LRBA: variants seen among roughly 807,000 people sequenced by gnomAD.
LRBA encodes LPS responsive beige-like anchor protein, also known as lipopolysaccharide-responsive and beige-like anchor protein.
Under a neutral mutation model 330.0 loss-of-function variants are expected in LRBA, and 176 were observed. The ratio of observed to expected loss-of-function variants is 0.53; its 90% confidence interval spans 0.47 to 0.60. LRBA has a LOEUF of 0.60. Among genes scored for constraint, LRBA ranks in the 20% least tolerant of loss-of-function variants. The pLI is 0.00. For missense variants in LRBA, 3,259 were observed against 3,444.8 expected (o/e 0.95, Z 1.35); for synonymous variants, 1,230 against 1,193.0 (o/e 1.03, Z -0.64).
At position 150,489,045 on chromosome 4, in the gene LRBA, TATTA is replaced by T. The variant is rs1485121681; in HGVS notation, c.6449-1215_6449-1212del. Among the ~76,000 whole-genome samples the T allele has an allele frequency of 3.8e-3, 413 of 110,008 alleles. 2 individuals are homozygous for T. The highest frequency in any genetic ancestry group is 0.01 in the African/African-American group (267 of 26,002). The allele number at this position is 110,008 out of a possible 152,430, so 72.2% of individuals were successfully genotyped here. ...ATAAGAATATATATTATATATAATA[TATTA>T]TATATAAGAATATATAATATATTAT... On this transcript the variant is annotated intron_variant, in intron 41 of 56. Coordinates refer to ENST00000651943, the MANE Select transcript of LRBA (RefSeq NM_001364905.1).
chr4:150,393,796 T>C (rs748176866), intron 47 of LRBA, among the ~76,000 whole-genome samples: 4 of 152,196 alleles, frequency 2.6e-5, no homozygotes, highest in Non-Finnish European at 4.4e-5. Context: ...CATAGTTTGT[T>C]TCTTTATAGC....
chr4:150,883,107 T>A (rs1440859640), intron 17 of LRBA, among the ~76,000 whole-genome samples: 1 of 152,176 alleles, frequency 6.6e-6, no homozygotes, highest in Non-Finnish European at 1.5e-5. Context: ...CATTTAACTT[T>A]CAGTTAATAT....
intron 40 of LRBA, among the ~76,000 whole-genome samples, chr4:150,556,403 G>A (rs968059099): frequency 1.4e-4 from 21 of 152,090 alleles, no homozygotes; most frequent in Admixed American, 7.2e-4. Context: ...AAAGCTCTAC[G>A]AGGAACCAAA....
intron 38 of LRBA, among the ~76,000 whole-genome samples, chr4:150,592,597 ATTACT>A (rs904718502): frequency 2.0e-5 from 3 of 152,100 alleles, no homozygotes; most frequent in South Asian, 4.1e-4. Flanking sequence ...GTTTGAAAAG[ATTACT>A]TTAGTGTATC....
chr4:150,306,784 T>C (rs1339956325), intron 52 of LRBA, among the ~76,000 whole-genome samples: 4 of 152,190 alleles, frequency 2.6e-5, no homozygotes, highest in African/African-American at 4.8e-5. Context: ...AATCAGTGAC[T>C]GACTGGTAAC....
chr4:150,404,372 A>G (rs1745899158), intron 47 of LRBA, among the ~76,000 whole-genome samples: 1 of 152,208 alleles, frequency 6.6e-6, no homozygotes, highest in African/African-American at 2.4e-5. Flanking sequence ...AGTTCTGAGA[A>G]GAGTATTTGT....
intron 35 of LRBA, among the ~76,000 whole-genome samples, chr4:150,747,734 T>G (rs1369930374): frequency 1.3e-5 from 2 of 152,184 alleles, no homozygotes; most frequent in Non-Finnish European, 2.9e-5. Flanking sequence ...CATTGCCCAC[T>G]TTGCTACATC....
intron 56 of LRBA, among the ~76,000 whole-genome samples, chr4:150,275,854 A>T (rs1419405832): frequency 2.0e-5 from 3 of 152,260 alleles, no homozygotes; most frequent in African/African-American, 7.2e-5. Flanking sequence ...CATACTGCCC[A>T]AAGTAATTTA....
intron 40 of LRBA, among the ~76,000 whole-genome samples, chr4:150,533,077 C>G (rs1285044363): frequency 6.6e-6 from 1 of 152,106 alleles, no homozygotes; most frequent in African/African-American, 2.4e-5. Flanking sequence ...TTCTACCATC[C>G]TGAAAAAAAT....
intron 28 of LRBA, among the ~76,000 whole-genome samples, chr4:150,841,623 TC>T (rs1749086050): frequency 6.6e-6 from 1 of 152,024 alleles, no homozygotes. Flanking sequence ...TTAGGTCATT[TC>T]CCTTTTTTTT....
chr4:150,903,920 T>C (rs1731033609), intron 13 of LRBA, among the ~76,000 whole-genome samples: 1 of 152,164 alleles, frequency 6.6e-6, no homozygotes, highest in Non-Finnish European at 1.5e-5. Flanking sequence ...CAAGTCTATC[T>C]TGTTCATCAC....
At chr4:150,749,293 G>C (rs1482393578) in intron 35 of LRBA, among the ~76,000 whole-genome samples, 1 of 152,126 alleles carries the variant, frequency 6.6e-6, no homozygotes, top group African/African-American at 2.4e-5. Context: ...TTCTGGGCCA[G>C]GTAAACTGGC....
Position 150,355,234 on chromosome 4 carries a change from T to C in LRBA, c.7195-5075A>G, listed in dbSNP as rs75422344. On this transcript the variant is annotated intron_variant, in intron 47 of 56. Coordinates refer to ENST00000651943, the MANE Select transcript of LRBA (RefSeq NM_001364905.1). ...GTGATACACTAGCAATTTCCTTTTA[T>C]TTTCAAAAAACCAAATTTTTGCCAA... is the stretch of plus-strand genomic sequence containing the variant. Among the ~76,000 whole-genome samples the C allele has an allele frequency of 6.6e-3, 1,004 of 152,134 alleles. 9 individuals carry two copies. The highest frequency in any genetic ancestry group is 0.023 in the African/African-American group (960 of 41,548).
intron 17 of LRBA, among the ~76,000 whole-genome samples, chr4:150,877,435 T>C (rs900630121): frequency 6.6e-6 from 1 of 151,986 alleles, no homozygotes; most frequent in African/African-American, 2.4e-5. Context: ...GGACAAAAAA[T>C]GGCATTGCAT....
intron 36 of LRBA, among the ~76,000 whole-genome samples, chr4:150,706,370 G>A (rs536049077): frequency 2.0e-4 from 30 of 151,750 alleles, no homozygotes; most frequent in African/African-American, 6.7e-4. Context: ...TTAGACTACC[G>A]GGTAGGTGGC....
intron 44 of LRBA, among the ~76,000 whole-genome samples, chr4:150,445,375 CTCTATATATA>C (rs1325789609): frequency 6.0e-3 from 497 of 82,922 alleles, no homozygotes; most frequent in African/African-American, 0.019. Flanking sequence ...CTCTCTCTCT[CTCTATATATA>C]TATATATATA....
intron 24 of LRBA, 130 bp from the exon 25 acceptor site, chr4:150,849,705 G>A: frequency 1.5e-6 from 1 of 677,534 alleles, no homozygotes; most frequent in Non-Finnish European, 2.6e-6. Flanking sequence ...TGATGCAGCA[G>A]GCATTTGGAG....
chr4:150,971,363 A>C (rs1303075456), intron 2 of LRBA, among the ~76,000 whole-genome samples: 2 of 152,204 alleles, frequency 1.3e-5, no homozygotes, highest in Admixed American at 1.3e-4. Flanking sequence ...TGATTGTTTT[A>C]GCTATAAGGT....
intron 44 of LRBA, among the ~76,000 whole-genome samples, chr4:150,448,812 AAAAAAAAAAAGG>A (rs1396244380): frequency 1.3e-5 from 1 of 74,480 alleles, no homozygotes; most frequent in Non-Finnish European, 3.0e-5. Flanking sequence ...CAAAAAAAAA[AAAAAAAAAAAGG>A]GGGGGGGGGT....
Sources: gnomAD v4.1 joint callset for allele counts (sites outside exome capture counted in the v4.1 genomes callset) on GRCh38, gnomAD v4.1.1 for gene constraint, MANE v1.5 for transcripts, NCBI Gene and HGNC (gene_info 2026-07-23, HGNC 2026-07-21) for gene names.